EEF2K: variants seen among roughly 807,000 people sequenced by gnomAD.
The protein encoded by EEF2K is alternative protein EEF2K.
Under a neutral mutation model 93.8 loss-of-function variants are expected in EEF2K, and 70 were observed. The observed-to-expected ratio is 0.75, with a 90% CI of 0.62 to 0.91. The LOEUF (loss-of-function observed/expected upper bound fraction) is 0.91, where lower values mean the gene tolerates loss of function less well. Ranked by LOEUF, EEF2K falls within the 40% of genes least tolerant of loss-of-function variation. The pLI, the probability that EEF2K is intolerant of heterozygous loss-of-function variation, is 0.00. For missense variants in EEF2K, 935 were observed against 972.9 expected, an observed-to-expected ratio of 0.96 and a Z score of 0.52; for synonymous variants, 376 against 380.8, an observed-to-expected ratio of 0.99 and a Z score of 0.15.
At chr16:22,215,404 GA>G (rs1393792971) in intron 1 of EEF2K, among the ~76,000 whole-genome samples, 2 of 151,140 alleles carry the variant, frequency 1.3e-5, no homozygotes, top group African/African-American at 2.5e-5. Flanking sequence ...CATGGAGATT[GA>G]TTCTTGGACT....
intron 2 of EEF2K, among the ~76,000 whole-genome samples, chr16:22,234,476 G>C (rs1422892149): frequency 6.6e-6 from 1 of 151,736 alleles, no homozygotes; most frequent in East Asian, 1.9e-4. Flanking sequence ...GGAATCACTT[G>C]AACCCGGGAG....
intron 2 of EEF2K, among the ~76,000 whole-genome samples, chr16:22,241,636 CAAAAAA>C (rs71151666): frequency 2.0e-5 from 1 of 49,180 alleles, no homozygotes; most frequent in African/African-American, 8.7e-5. Context: ...GAGACTGTCT[CAAAAAA>C]AAAAAAAAAA....
At chr16:22,218,937 A>T (rs576753611) in intron 1 of EEF2K, among the ~76,000 whole-genome samples, 1,180 of 69,536 alleles carry the variant, frequency 0.017, 7 homozygotes, top group Middle Eastern at 0.065. Context: ...CAAAAAAATT[A>T]AAAAAAAAAA....
chr16:22,252,803 A>G (rs1215846056), intron 6 of EEF2K, among the ~76,000 whole-genome samples: 2 of 152,186 alleles, frequency 1.3e-5, no homozygotes, highest in Non-Finnish European at 2.9e-5. Flanking sequence ...CAAAAGGCAC[A>G]TCTTACCTGG....
intron 2 of EEF2K, among the ~76,000 whole-genome samples, chr16:22,229,428 G>T (rs893936782): frequency 2.0e-5 from 3 of 152,164 alleles, no homozygotes; most frequent in African/African-American, 7.2e-5. Context: ...AAGAAGACGG[G>T]GAGAAGCCGG....
chr16:22,257,594 C>T (rs2047416478), intron 8 of EEF2K, 49 bp from the exon 9 acceptor site: 1 of 1,599,394 alleles, frequency 6.3e-7, no homozygotes, highest in African/African-American at 1.3e-5. Context: ...CTGCCTGTCC[C>T]CCGTCACAGA....
At chr16:22,242,845 G>T (rs534239098) in intron 2 of EEF2K, among the ~76,000 whole-genome samples, 12 of 152,124 alleles carry the variant, frequency 7.9e-5, no homozygotes, top group African/African-American at 2.9e-4. Flanking sequence ...TAAAGGCGGC[G>T]TATCCTTTGG....
intron 11 of EEF2K, 55 bp from the exon 12 acceptor site, chr16:22,263,055 C>G: frequency 1.3e-6 from 2 of 1,552,460 alleles, no homozygotes; most frequent in South Asian, 2.3e-5. Flanking sequence ...ATGTCATAAC[C>G]ATTTCCAGGT....
intron 13 of EEF2K, chr16:22,265,266 T>C (rs1420725189): frequency 5.5e-6 from 1 of 181,562 alleles, no homozygotes; most frequent in Non-Finnish European, 1.2e-5. Flanking sequence ...CTTAAGCAAC[T>C]TTCCCCAGGT....
At chr16:22,261,970 A>T (rs1476651742) in intron 11 of EEF2K, among the ~76,000 whole-genome samples, 3 of 150,944 alleles carry the variant, frequency 2.0e-5, no homozygotes, top group Admixed American at 2.0e-4. Context: ...ACGCCACTGC[A>T]CTACAGCCTG....
chr16:22,282,462 A>T (rs1354896860), intron 17 of EEF2K, among the ~76,000 whole-genome samples: 2 of 152,226 alleles, frequency 1.3e-5, no homozygotes, highest in Non-Finnish European at 2.9e-5. Flanking sequence ...GGCTGCTAGA[A>T]TATGAACGTC....
intron 2 of EEF2K, among the ~76,000 whole-genome samples, chr16:22,232,530 C>T (rs1035138697): frequency 1.3e-5 from 2 of 152,186 alleles, no homozygotes; most frequent in African/African-American, 4.8e-5. Context: ...GAGCCTGGCC[C>T]AGAGCCCAGA....
intron 12 of EEF2K, among the ~76,000 whole-genome samples, chr16:22,264,580 G>C (rs193190803): frequency 2.6e-5 from 4 of 152,166 alleles, no homozygotes; most frequent in African/African-American, 4.8e-5. Flanking sequence ...CACACGGAGG[G>C]GGACAGCAAG....
At chr16:22,236,489 T>C (rs2047169091) in intron 2 of EEF2K, among the ~76,000 whole-genome samples, 1 of 152,060 alleles carries the variant, frequency 6.6e-6, no homozygotes, top group African/African-American at 2.4e-5. Context: ...TTGCCTAGAC[T>C]TCTGAGCTGT....
chr16:22,216,544 G>A (rs1433984563), intron 1 of EEF2K, among the ~76,000 whole-genome samples: 1 of 152,188 alleles, frequency 6.6e-6, no homozygotes, highest in Non-Finnish European at 1.5e-5. Flanking sequence ...TAAACTGTGA[G>A]AAACTCAGCT....
rs983462046 is a variant in EEF2K at position 22,264,836 on chromosome 16, CG to C, written c.1398del (p.Lys467SerfsTer17). ...CGTTCAGGGCCACTCATACAGTAAT[CG>C]GAAGTACGAGTCTGACGAAGACAGC... Reference protein sequence around the residue: ...PREHGHSYSNRKYESDEDSLG... With the variant: ...PREHGHSYSNXKYESDEDSLG... On this transcript the variant is annotated frameshift_variant, in exon 13 of 18. Transcript: ENST00000263026. LOFTEE classifies it high-confidence loss of function. 6 of 1,613,976 alleles carry C rather than the reference CG, an allele frequency of 3.7e-6. No homozygotes were observed. The highest frequency in any genetic ancestry group is 5.1e-6 in the Non-Finnish European group (6 of 1,179,936).
intron 15 of EEF2K, among the ~76,000 whole-genome samples, chr16:22,268,483 TAG>T (rs1338814352): frequency 5.9e-5 from 9 of 151,958 alleles, no homozygotes; most frequent in African/African-American, 1.7e-4. Context: ...TTATTTATTT[TAG>T]AGACAGGTTC....
At chr16:22,217,862 C>G (rs978357345) in intron 1 of EEF2K, among the ~76,000 whole-genome samples, 1 of 152,170 alleles carries the variant, frequency 6.6e-6, no homozygotes, top group African/African-American at 2.4e-5. Flanking sequence ...TCATCTGATT[C>G]AGAAATCTAC....
chr16:22,254,406 G>A (rs2047380081), intron 6 of EEF2K, among the ~76,000 whole-genome samples: 1 of 152,086 alleles, frequency 6.6e-6, no homozygotes, highest in Non-Finnish European at 1.5e-5. Context: ...CTCAGATCAG[G>A]ACCCCTTCGG....
Sources: gnomAD v4.1 joint callset for allele counts (sites outside exome capture counted in the v4.1 genomes callset) on GRCh38, gnomAD v4.1.1 for gene constraint, MANE v1.5 for transcripts, NCBI Gene and HGNC (gene_info 2026-07-23, HGNC 2026-07-21) for gene names.